The following CPNE5 variants were observed in gnomAD, a reference collection of about 807,000 sequenced individuals.
CPNE5 encodes copine-5.
A neutral mutation model predicts 81.1 loss-of-function variants in CPNE5; 42 were observed. The ratio of observed to expected loss-of-function variants is 0.52; its 90% CI spans 0.40 to 0.67. The LOEUF is 0.67. Ranked by LOEUF, CPNE5 falls within the 30% of genes least tolerant of loss-of-function variation. The probability of loss-of-function intolerance (pLI) is 0.00; values close to 1 mark genes in which losing one functional copy is unlikely to be tolerated. For missense variants in CPNE5, 612 were observed against 815.5 expected (o/e 0.75, Z 3.04); for synonymous variants, 313 against 321.5 (o/e 0.97, Z 0.28).
Position 36,746,426 on chromosome 6 carries a change from C to T in CPNE5, c.1170G>A (p.Pro390=), listed in dbSNP as rs528172745. The change falls in exon 16 of 21, where the codon CCG becomes CCA. Residue 390 remains proline, a synonymous_variant. Transcript: ENST00000244751. This position sits in a 1 kb window ranked among gnomAD's most constrained non-coding sequence, Gnocchi z 4.5. ...GGAACTCGTGGGACACTCTGCCATC[C>T]GGGGGCAGCTTGGCCCCGAAGCCCA... ...PALGFGAKLP[P]DGRVSHEFPL... is the part of the protein sequence containing the mutation. The T allele has an allele frequency of 6.8e-6, 11 of 1,612,948 alleles. No individual in the cohort carries two copies. Among genetic ancestry groups the T allele is most frequent in the South Asian group, 2.2e-5 (2 of 91,046 alleles).
chr6:36,838,660 A>G (rs1773746768), intron 1 of CPNE5: 1 of 594,360 alleles, frequency 1.7e-6, no homozygotes, highest in African/African-American at 2.0e-5. Context: ...TATTTTTTTA[A>G]TGGTGCCACT....
intron 10 of CPNE5, among the ~76,000 whole-genome samples, chr6:36,767,339 C>T (rs575893733): frequency 9.9e-5 from 15 of 152,184 alleles, no homozygotes; most frequent in African/African-American, 2.7e-4. Context: ...TCCCTAGTGA[C>T]TGTGCTGTAT....
At chr6:36,808,343 C>A (rs963701807) in intron 3 of CPNE5, among the ~76,000 whole-genome samples, 2 of 152,198 alleles carry the variant, frequency 1.3e-5, no homozygotes, top group South Asian at 4.2e-4. Context: ...CACCCCCAAC[C>A]GTCGGCCTCA....
At chr6:36,779,910 C>T (rs553675240) in intron 8 of CPNE5, among the ~76,000 whole-genome samples, 42 of 152,254 alleles carry the variant, frequency 2.8e-4, no homozygotes, top group Non-Finnish European at 3.4e-4. Flanking sequence ...GTCGTCCAGA[C>T]CCCAGGACTT....
chr6:36,800,946 C>G (rs1042028529), intron 3 of CPNE5, among the ~76,000 whole-genome samples: 9 of 152,224 alleles, frequency 5.9e-5, no homozygotes, highest in African/African-American at 2.2e-4. Context: ...GCAAGCAAAT[C>G]TTGCCCAGTT....
chr6:36,802,100 AC>A, intron 3 of CPNE5, among the ~76,000 whole-genome samples: 1 of 151,602 alleles, frequency 6.6e-6, no homozygotes, highest in South Asian at 2.1e-4. Flanking sequence ...ACGCCTGTAG[AC>A]CCAGCTACTC....
intron 3 of CPNE5, among the ~76,000 whole-genome samples, chr6:36,808,754 G>T (rs867573220): frequency 6.6e-6 from 1 of 152,170 alleles, no homozygotes; most frequent in East Asian, 1.9e-4. Flanking sequence ...TGCGTGCCAC[G>T]CACTAAGTGT....
At chr6:36,762,294 ACACATACATG>A (rs1766113615) in intron 12 of CPNE5, among the ~76,000 whole-genome samples, 1 of 143,478 alleles carries the variant, frequency 7.0e-6, no homozygotes, top group African/African-American at 2.7e-5. Flanking sequence ...ACGCGCACAC[ACACATACATG>A]CACACACACA....
At chr6:36,807,487 T>A (rs1329263185) in intron 3 of CPNE5, among the ~76,000 whole-genome samples, 3 of 152,196 alleles carry the variant, frequency 2.0e-5, no homozygotes, top group Non-Finnish European at 4.4e-5. Flanking sequence ...CACACTCTGG[T>A]TCTTTCTACA....
chr6:36,761,843 C>T (rs140640623), intron 12 of CPNE5, among the ~76,000 whole-genome samples: 2 of 152,034 alleles, frequency 1.3e-5, no homozygotes, highest in South Asian at 4.1e-4. Flanking sequence ...TTGGCATGAA[C>T]CATGATGTCT....
At chr6:36,763,234 G>C (rs1012887342) in intron 11 of CPNE5, among the ~76,000 whole-genome samples, 2 of 152,182 alleles carry the variant, frequency 1.3e-5, no homozygotes, top group African/African-American at 4.8e-5. Flanking sequence ...ACTTCTACTT[G>C]GATCCTTGTT....
chr6:36,811,024 C>T (rs534504530), intron 3 of CPNE5, among the ~76,000 whole-genome samples: 1 of 152,324 alleles, frequency 6.6e-6, no homozygotes, highest in African/African-American at 2.4e-5. Context: ...TGCCAAAAAG[C>T]TTAGTTCCTA....
chr6:36,799,902 TG>T, intron 4 of CPNE5, 64 bp downstream of exon 4: 2 of 1,180,824 alleles, frequency 1.7e-6, no homozygotes, highest in Non-Finnish European at 2.5e-6. Flanking sequence ...CACAGGTCTG[TG>T]GTCCTACCTG....
intron 3 of CPNE5, among the ~76,000 whole-genome samples, chr6:36,809,795 T>A (rs930943600): frequency 1.3e-5 from 2 of 151,726 alleles, no homozygotes; most frequent in African/African-American, 2.4e-5. Context: ...CCAGTGGGGC[T>A]CCCAGCGCTG....
At chr6:36,821,519 C>T (rs968771366) in intron 3 of CPNE5, among the ~76,000 whole-genome samples, 4 of 151,556 alleles carry the variant, frequency 2.6e-5, no homozygotes, top group Admixed American at 2.0e-4. Flanking sequence ...CAAGTCAGCC[C>T]TCTCTCCCTA....
In CPNE5 at chr6:36,745,101, T is replaced by G. The variant is rs1763989330; in HGVS notation, c.1378A>C (p.Ile460Leu). Reference protein sequence around the residue: ...DGSQYSVLLIITDGVISDMAQ... With the variant: ...DGSQYSVLLILTDGVISDMAQ... Reference sequence around the variant, plus strand: ...ATGTCCGAGATGACCCCATCAGTAATGATGAGCAGCACCGAGTACTGGGAG... The same window carrying G: ...ATGTCCGAGATGACCCCATCAGTAAGGATGAGCAGCACCGAGTACTGGGAG... The change falls in exon 18 of 21, where the codon ATT (isoleucine) becomes CTT (leucine). Residue 460 changes from isoleucine to leucine, a missense_variant. Ile to Leu is a conservative substitution (Grantham distance 5). Coordinates refer to ENST00000244751, the MANE Select transcript of CPNE5 (RefSeq NM_020939.2). 1.9e-6 allele frequency: 3 copies of G among 1,614,008 alleles called. No homozygotes were observed. Among genetic ancestry groups the G allele is most frequent in the Non-Finnish European group, 2.5e-6 (3 of 1,180,012 alleles).
intron 18 of CPNE5, 44 bp downstream of exon 18, chr6:36,745,004 G>A (rs1763974653): frequency 7.3e-7 from 1 of 1,374,942 alleles, no homozygotes; most frequent in African/African-American, 1.4e-5. Context: ...CGGGGAGGAA[G>A]ACACTCCTCA....
intron 1 of CPNE5, among the ~76,000 whole-genome samples, chr6:36,831,596 G>A (rs1456926257): frequency 2.4e-5 from 3 of 124,096 alleles, no homozygotes; most frequent in Non-Finnish European, 4.7e-5. Flanking sequence ...CAGAGATCAC[G>A]CCACTGCACT....
chr6:36,742,559 G>T, intron 20 of CPNE5, 73 bp from the exon 21 acceptor site: 1 of 1,553,130 alleles, frequency 6.4e-7, no homozygotes, highest in Non-Finnish European at 8.7e-7. Flanking sequence ...CAGGCCTGGG[G>T]TTGCATCCCC....
Sources: gnomAD v4.1 joint callset for allele counts (sites outside exome capture counted in the v4.1 genomes callset) on GRCh38, gnomAD v4.1.1 for gene constraint, Gnocchi (gnomAD v3.1) non-coding constraint, MANE v1.5 for transcripts, NCBI Gene and HGNC (gene_info 2026-07-23, HGNC 2026-07-21) for gene names.